Variants in ALG12 observed in about 807,000 individuals in gnomAD.
ALG12 encodes dol-P-Man:Man(7)GlcNAc(2)-PP-Dol alpha-1,6-mannosyltransferase.
In ALG12, 36 loss-of-function variants were observed where a neutral mutation model predicts 46.0. The ratio of observed to expected loss-of-function variants is 0.78; its 90% CI spans 0.60 to 1.03. The LOEUF (loss-of-function observed/expected upper bound fraction) is 1.03. ALG12 is among the 50% of genes least tolerant of loss of function. ALG12 has a pLI of 0.00. For missense variants in ALG12, 599 were observed against 633.5 expected (o/e 0.95, Z 0.58); for synonymous variants, 326 against 291.6 (o/e 1.12, Z -1.20).
the ALG12 span, among the ~76,000 whole-genome samples, chr22:49,870,762 T>A: frequency 1.4e-4 from 21 of 152,080 alleles, no homozygotes; most frequent in Non-Finnish European, 2.8e-4. Context: ...ATTCAGTGGG[T>A]TTTCTGTTTA....
chr22:49,879,270 A>G, the ALG12 span, among the ~76,000 whole-genome samples: 10 of 147,878 alleles, frequency 6.8e-5, no homozygotes, highest in Non-Finnish European at 1.5e-4. Context: ...GATTACAGGC[A>G]CGCGCCACCA....
chr22:49,894,048 C>G, the ALG12 span, among the ~76,000 whole-genome samples: 1 of 152,106 alleles, frequency 6.6e-6, no homozygotes, highest in Admixed American at 6.5e-5. Context: ...GCCTGTAATC[C>G]CAGCTACTCG....
the ALG12 span, among the ~76,000 whole-genome samples, chr22:49,866,015 T>C: frequency 2.7e-3 from 417 of 152,256 alleles, 4 homozygotes; most frequent in East Asian, 0.032. Flanking sequence ...GCTAGTTCAC[T>C]TTTTTCCTTG....
chr22:49,890,844 G>A, the ALG12 span, among the ~76,000 whole-genome samples: 1,813 of 152,124 alleles, frequency 0.012, 18 homozygotes, highest in Middle Eastern at 0.034. Context: ...GTGAAACCCC[G>A]TCCCGTCTCC....
At chr22:49,883,345 G>C in the ALG12 span, 2 of 216,844 alleles carry the variant, frequency 9.2e-6, no homozygotes. Flanking sequence ...TAATGCACAA[G>C]GGTCACGTGT....
chr22:49,859,439 G>A, the ALG12 span, among the ~76,000 whole-genome samples: 2 of 152,182 alleles, frequency 1.3e-5, no homozygotes, highest in South Asian at 2.1e-4. Flanking sequence ...TGGCCCCTGT[G>A]TCCTTTTCAC....
At chr22:49,871,764 T>A in the ALG12 span, among the ~76,000 whole-genome samples, 241 of 150,458 alleles carry the variant, frequency 1.6e-3, 3 homozygotes, top group South Asian at 0.022. Context: ...TTTATTTTTT[T>A]TTTTTTTTGA....
At chr22:49,869,346 C>A in the ALG12 span, among the ~76,000 whole-genome samples, 1 of 152,170 alleles carries the variant, frequency 6.6e-6, no homozygotes, top group Non-Finnish European at 1.5e-5. Flanking sequence ...TACCTCGTAC[C>A]CGCGTGGTGG....
At chr22:49,882,717 T>C in the ALG12 span, among the ~76,000 whole-genome samples, 1 of 152,208 alleles carries the variant, frequency 6.6e-6, no homozygotes, top group African/African-American at 2.4e-5. Context: ...GTCCCGTGAC[T>C]GTCTCCTCTT....
Position 49,909,338 on chromosome 22 carries a change from A to G in ALG12, c.674T>C (p.Val225Ala), listed in dbSNP as rs780115184. ...PAGILCLGLT[V>A]AVDSYFWRQL... ...CCGCCAAAAATAAGAGTCCACAGCA[A>G]CCGTCAGTCCTGACAAAATAAAATA... is the stretch of plus-strand genomic sequence containing the variant. The change falls in exon 6 of 10, where the codon GTT becomes GCT. Residue 225 changes from valine (V) to alanine (A), a missense_variant. Physicochemically the swap from Val to Ala is moderately conservative, Grantham distance 64. Coordinates refer to ENST00000330817, the MANE Select transcript of ALG12 (RefSeq NM_024105.4). 3 of 1,614,214 alleles carry G rather than the reference A, an allele frequency of 1.9e-6. No individual in the cohort carries two copies. Among genetic ancestry groups the G allele is most frequent in the Non-Finnish European group, 2.5e-6 (3 of 1,180,034 alleles).
the ALG12 span, among the ~76,000 whole-genome samples, chr22:49,868,782 G>A: frequency 4.7e-4 from 72 of 152,182 alleles, 1 homozygote; most frequent in African/African-American, 1.7e-3. Flanking sequence ...TCTGCCAGGA[G>A]GGTGGGAGCC....
chr22:49,896,216 C>T (rs577794909), downstream of ALG12, among the ~76,000 whole-genome samples: 105 of 152,354 alleles, frequency 6.9e-4, no homozygotes, highest in African/African-American at 2.5e-3. Context: ...CAACAGGGCC[C>T]TGGGCCTCAG....
At position 49,913,714 on chromosome 22, in the gene ALG12, C is replaced by T. The variant is rs1393187719; in HGVS notation, c.52G>A (p.Val18Met). ...GRRPLLLGLL[V>M]AVATVHLVIC... is the part of the protein sequence containing the mutation. ...ACCAGGTGGACAGTGGCTACGGCCA[C>T]CAGCAGCCCCAGCAGCAGGGGCCGC... Residue 18 changes from valine (V) to methionine (M), a missense_variant, in exon 2 of 10, where the codon GTG becomes ATG. Coordinates refer to ENST00000330817, the MANE Select transcript of ALG12 (RefSeq NM_024105.4). The T allele has an allele frequency of 1.2e-6, 2 of 1,613,214 alleles. No individual in the cohort carries two copies. The highest frequency in any genetic ancestry group is 1.3e-5 in the African/African-American group (1 of 74,922).
the ALG12 span, among the ~76,000 whole-genome samples, chr22:49,892,187 CAAAAA>C: frequency 2.5e-4 from 14 of 55,344 alleles, no homozygotes; most frequent in Non-Finnish European, 3.6e-4. Context: ...GACTCTGTCT[CAAAAA>C]AAAAAAAAAA....
the ALG12 span, chr22:49,889,944 C>G: frequency 1.8e-5 from 3 of 167,058 alleles, no homozygotes; most frequent in African/African-American, 7.2e-5. Flanking sequence ...TAATAAAAAG[C>G]TCTTTGTATG....
the ALG12 span, among the ~76,000 whole-genome samples, chr22:49,864,517 A>G: frequency 6.6e-5 from 10 of 152,274 alleles, no homozygotes; most frequent in African/African-American, 1.9e-4. Flanking sequence ...TCGAAAATGC[A>G]CTTAATACCT....
At chr22:49,884,387 C>T in the ALG12 span, 20 of 1,612,312 alleles carry the variant, frequency 1.2e-5, no homozygotes, top group East Asian at 6.7e-5. Context: ...ATGTCCGTTT[C>T]GGAGAAGTGC....
At chr22:49,869,118 T>A in the ALG12 span, among the ~76,000 whole-genome samples, 19 of 132,820 alleles carry the variant, frequency 1.4e-4, no homozygotes, top group African/African-American at 6.5e-4. Context: ...AGCAAAACTG[T>A]CTCAAAAAAA....
chr22:49,865,521 T>C, the ALG12 span, among the ~76,000 whole-genome samples: 1 of 151,864 alleles, frequency 6.6e-6, no homozygotes, highest in Non-Finnish European at 1.5e-5. Flanking sequence ...AACCCGTCTC[T>C]ATTAAAATAC....
Sources: allele counts gnomAD v4.1 joint callset (sites outside exome capture counted in the v4.1 genomes callset), GRCh38; gene constraint gnomAD v4.1.1; transcripts MANE v1.5; gene names NCBI Gene and HGNC (gene_info 2026-07-23, HGNC 2026-07-21).